Variants in NUP210L observed in about 807,000 individuals in gnomAD.
The protein encoded by NUP210L is nucleoporin 210 like.
In NUP210L, 74 loss-of-function variants were observed where a neutral mutation model predicts 208.5. The observed-to-expected ratio is 0.35, with a 90% CI of 0.29 to 0.43. NUP210L has a LOEUF of 0.43. Ranked by LOEUF, NUP210L falls within the 20% of genes least tolerant of loss-of-function variation. The pLI, the probability that NUP210L is intolerant of heterozygous loss-of-function variation, is 1.00. For synonymous variants in NUP210L, 780 were observed against 816.9 expected (o/e 0.95, Z 0.77); for missense variants, 1,843 against 2,289.4 (o/e 0.81, Z 3.98).
At chr1:154,118,677 T>A (rs1657454520) in exon 11 of NUP210L, 1 of 1,592,408 alleles carries the variant, frequency 6.3e-7, no homozygotes, top group African/African-American at 1.3e-5. Context: ...ATACCTGTAC[T>A]TTATAACGAT....
chr1:154,129,695 T>C (rs12038362), intron 7 of NUP210L, among the ~76,000 whole-genome samples: 15,298 of 152,210 alleles, frequency 0.1, 1,170 homozygotes, highest in East Asian at 0.39. Context: ...AGTGGCTCCA[T>C]TCTGGAGGAA....
intron 16 of NUP210L, among the ~76,000 whole-genome samples, chr1:154,077,259 T>G (rs142254489): frequency 1.4e-3 from 211 of 151,936 alleles, no homozygotes; most frequent in African/African-American, 4.7e-3. Flanking sequence ...GCCTGTAGTC[T>G]CAGCTACTCA....
intron 28 of NUP210L, among the ~76,000 whole-genome samples, chr1:154,028,408 G>A (rs977385249): frequency 9.9e-5 from 15 of 152,098 alleles, no homozygotes; most frequent in African/African-American, 2.6e-4. Context: ...TCAACATAAC[G>A]AAACTCCATC....
chr1:154,001,931 G>T (rs777267324), exon 36 of NUP210L: 21 of 1,613,792 alleles, frequency 1.3e-5, no homozygotes, highest in Non-Finnish European at 1.7e-5. Flanking sequence ...CACACTGAGG[G>T]CCTGTAGCAG....
chr1:154,099,658 T>C (rs1442923017), intron 14 of NUP210L, among the ~76,000 whole-genome samples: 1 of 152,230 alleles, frequency 6.6e-6, no homozygotes, highest in Non-Finnish European at 1.5e-5. Context: ...TACAGAGATA[T>C]ATGCACATGT....
chr1:154,133,407 A>G (rs1189850267), intron 7 of NUP210L, among the ~76,000 whole-genome samples: 2 of 152,116 alleles, frequency 1.3e-5, no homozygotes, highest in Non-Finnish European at 1.5e-5. Context: ...CACAATTAGT[A>G]TGGCACGGTG....
chr1:154,013,124 C>T (rs1256235952), intron 33 of NUP210L, among the ~76,000 whole-genome samples: 1 of 151,638 alleles, frequency 6.6e-6, no homozygotes, highest in Non-Finnish European at 1.5e-5. Flanking sequence ...TCTAGAACTC[C>T]TGGCCGCAAG....
intron 2 of NUP210L, among the ~76,000 whole-genome samples, chr1:154,144,926 T>C (rs1659043335): frequency 1.3e-5 from 2 of 151,886 alleles, no homozygotes; most frequent in African/African-American, 2.4e-5. Context: ...CTGGCCAACA[T>C]GGTGAAACTC....
intron 12 of NUP210L, among the ~76,000 whole-genome samples, chr1:154,110,849 G>T (rs1486578607): frequency 6.6e-6 from 1 of 151,136 alleles, no homozygotes; most frequent in Non-Finnish European, 1.5e-5. Flanking sequence ...CTGTACTCCA[G>T]CCTGGGCAAC....
intron 27 of NUP210L, among the ~76,000 whole-genome samples, chr1:154,036,314 A>ATGTGTGTGTGTGTGTG (rs57011341): frequency 9.2e-6 from 1 of 108,158 alleles, no homozygotes; most frequent in African/African-American, 3.6e-5. Flanking sequence ...CAGTTGGAAC[A>ATGTGTGTGTGTGTGTG]TGTGTGTGTG....
intron 32 of NUP210L, among the ~76,000 whole-genome samples, chr1:154,021,528 G>A (rs887009382): frequency 2.6e-5 from 4 of 151,220 alleles, no homozygotes; most frequent in Admixed American, 6.6e-5. Flanking sequence ...TAGTTTATCC[G>A]GGTAAAAGAA....
chr1:154,078,824 A>C (rs1002627473), intron 16 of NUP210L: 1 of 152,162 alleles, frequency 6.6e-6, no homozygotes, highest in Non-Finnish European at 1.5e-5. Context: ...AAAATCACTC[A>C]AAACAACACA....
chr1:154,141,640 G>A, intron 3 of NUP210L, 116 bp from the exon 4 acceptor site: 1 of 649,998 alleles, frequency 1.5e-6, no homozygotes, highest in Non-Finnish European at 2.8e-6. Flanking sequence ...CTTTCATTAA[G>A]AAATAGAAAG....
chr1:154,012,406 T>A, intron 33 of NUP210L, 36 bp from the exon 34 acceptor site: 1 of 1,600,018 alleles, frequency 6.2e-7, no homozygotes, highest in Non-Finnish European at 8.5e-7. Flanking sequence ...GCACCTAAGT[T>A]CCTAGAGAAT....
chr1:154,054,689 G>A (rs1653711101), intron 24 of NUP210L, 81 bp downstream of exon 24: 5 of 1,025,936 alleles, frequency 4.9e-6, no homozygotes, highest in African/African-American at 4.8e-5. Flanking sequence ...GAGATCAATA[G>A]GAAGAGAGGT....
At chr1:154,008,790 T>C (rs1282262665) in intron 35 of NUP210L, among the ~76,000 whole-genome samples, 1 of 152,194 alleles carries the variant, frequency 6.6e-6, no homozygotes, top group Non-Finnish European at 1.5e-5. Flanking sequence ...TGCTGTCAGG[T>C]ATTATAAACA....
intron 12 of NUP210L, among the ~76,000 whole-genome samples, chr1:154,107,346 C>T (rs915389758): frequency 4.0e-5 from 6 of 151,662 alleles, no homozygotes; most frequent in Admixed American, 2.0e-4. Context: ...TGTTGGCGGG[C>T]GCCTGTAGTC....
intron 1 of NUP210L, 32 bp from the exon 2 acceptor site, chr1:154,152,904 T>C (rs763147641): frequency 2.5e-6 from 4 of 1,605,932 alleles, no homozygotes; most frequent in African/African-American, 2.7e-5. Flanking sequence ...GAGTGTGAAA[T>C]AGGTGGGTTA....
chr1:154,152,594 G>T, intron 2 of NUP210L, 142 bp downstream of exon 2: 1 of 706,540 alleles, frequency 1.4e-6, no homozygotes, highest in Non-Finnish European at 2.3e-6. Context: ...TTAAAGGCGT[G>T]AGCCACTGCA....
Sources: allele counts gnomAD v4.1 joint callset (sites outside exome capture counted in the v4.1 genomes callset), GRCh38; gene constraint gnomAD v4.1.1; transcripts MANE v1.5; gene names NCBI Gene and HGNC (gene_info 2026-07-23, HGNC 2026-07-21).